LRPPRC: variants seen among roughly 807,000 people sequenced by gnomAD.
The protein encoded by LRPPRC is leucine rich pentatricopeptide repeat containing, also known as leucine-rich PPR motif-containing protein, mitochondrial.
In LRPPRC, 120 loss-of-function variants were observed where a neutral mutation model predicts 180.3. The ratio of observed to expected loss-of-function variants is 0.67; its 90% CI spans 0.57 to 0.77. The LOEUF (loss-of-function observed/expected upper bound fraction) is 0.77. LRPPRC is among the 30% of genes least tolerant of loss of function. The pLI is 0.00. For missense variants in LRPPRC, 2,012 were observed against 1,657.2 expected, an observed-to-expected ratio of 1.21 and a Z score of -3.72; for synonymous variants, 723 against 600.0, an observed-to-expected ratio of 1.21 and a Z score of -3.00.
Position 43,995,866 on chromosome 2 carries a change from G to A in LRPPRC, c.82C>T (p.Pro28Ser), listed in dbSNP as rs1357753031. 8 of 1,493,842 alleles carry A rather than the reference G, an allele frequency of 5.4e-6. No homozygotes were observed. The East Asian group carries it at 1.7e-4, about 31-fold the overall frequency. The allele number at this position is 1,493,842 out of a possible 1,614,324, so 92.5% of individuals were successfully genotyped here. ...PRLPLSLRLL[P>S]GGPGRLHAAS... ...GCATGCAGCCGGCCCGGGCCGCCAG[G>A]GAGGAGGCGCAGGGAGAGCGGGAGG... Residue 28 changes from proline to serine, a missense_variant, in exon 1 of 38, where the codon CCT becomes TCT. Pro to Ser is a moderately conservative substitution (Grantham distance 74). Transcript: ENST00000260665.
At chr2:43,964,946 T>C (rs1451130679) in intron 11 of LRPPRC, among the ~76,000 whole-genome samples, 1 of 152,190 alleles carries the variant, frequency 6.6e-6, no homozygotes, top group African/African-American at 2.4e-5. Flanking sequence ...TTCACGAGGC[T>C]GATGCAGGAG....
At chr2:43,893,140 G>T (rs183714852) in intron 36 of LRPPRC, among the ~76,000 whole-genome samples, 8 of 152,300 alleles carry the variant, frequency 5.3e-5, no homozygotes, top group East Asian at 3.9e-4. Context: ...GACTTAACAT[G>T]AGGAGAAGCT....
chr2:43,964,187 AAATT>A (rs777068745), intron 11 of LRPPRC, among the ~76,000 whole-genome samples: 1 of 152,232 alleles, frequency 6.6e-6, no homozygotes, highest in Non-Finnish European at 1.5e-5. Flanking sequence ...TAAGAAGGAA[AAATT>A]AATAGAGAAC....
chr2:43,914,118 G>T (rs1183947445), intron 29 of LRPPRC, among the ~76,000 whole-genome samples: 1 of 152,156 alleles, frequency 6.6e-6, no homozygotes, highest in African/African-American at 2.4e-5. Flanking sequence ...AAGATGTAAT[G>T]CAATTATTGT....
chr2:43,945,928 A>T (rs1672664255), intron 21 of LRPPRC, among the ~76,000 whole-genome samples, 185 bp downstream of exon 21: 1 of 146,796 alleles, frequency 6.8e-6, no homozygotes, highest in Non-Finnish European at 1.5e-5. Context: ...AAACAAAGAC[A>T]CCTTGCTGAA....
At chr2:43,960,699 T>A in intron 12 of LRPPRC, 65 bp from the exon 13 acceptor site, 1 of 806,666 alleles carries the variant, frequency 1.2e-6, no homozygotes, top group South Asian at 1.3e-5. Flanking sequence ...AAGCCAAAGA[T>A]CCTGTTTTCC....
chr2:43,970,842 A>G (rs1320873618), intron 11 of LRPPRC, among the ~76,000 whole-genome samples: 2 of 152,208 alleles, frequency 1.3e-5, no homozygotes, highest in African/African-American at 4.8e-5. Flanking sequence ...GCTCACGCCT[A>G]TAATCCCAGC....
At chr2:43,996,087 G>A (rs569445433), upstream of LRPPRC, 105 of 766,454 alleles carry the variant, frequency 1.4e-4, no homozygotes, top group Admixed American at 1.9e-3. Flanking sequence ...TTTTAGGTTG[G>A]AAGATGGAAA....
rs1266095281 is a variant in LRPPRC, at chr2:43,995,783, G to C, written c.149+16C>G. On this transcript the variant is annotated intron_variant, in intron 1 of 37. Coordinates refer to ENST00000260665, the MANE Select transcript of LRPPRC (RefSeq NM_133259.4). The stretch of plus-strand genomic sequence containing the variant: ...TGGCGCCGCAGCTTGCCTGGAGAAA[G>C]GGCCTGGGCACTCACCCGGCCACGG... 7.4e-7 allele frequency: 1 copy of C among 1,355,152 alleles called. No homozygotes were observed. Among genetic ancestry groups the C allele is most frequent in the Admixed American group, 4.1e-5 (1 of 24,684 alleles). The allele number at this position is 1,355,152 out of a possible 1,614,324, so 83.9% of individuals were successfully genotyped here.
At chr2:43,896,733 A>T (rs1209344223) in intron 34 of LRPPRC, 25 bp from the exon 35 acceptor site, 23 of 1,388,806 alleles carry the variant, frequency 1.7e-5, no homozygotes, top group Non-Finnish European at 2.3e-5. Context: ...ATTATTCAGT[A>T]AGTGAAGGTT....
chr2:43,925,159 T>A lies in LRPPRC; in HGVS notation c.2806-2A>T. 1 of 1,497,996 alleles carries A rather than the reference T, an allele frequency of 6.7e-7. No individual in the cohort carries two copies. Among genetic ancestry groups the A allele is most frequent in the Non-Finnish European group, 9.3e-7 (1 of 1,074,386 alleles). The allele number at this position is 1,497,996 out of a possible 1,614,324, so 92.8% of individuals were successfully genotyped here. A position where few individuals can be genotyped will look rare whatever the true frequency, so the allele number is the denominator to read the frequency against. ...CACTAATTTTTCCAGAGTTTCAACCTTAAAAGTAAGATTAAGAGATAGATC... is the reference window on the plus strand; with the variant it reads ...CACTAATTTTTCCAGAGTTTCAACCATAAAAGTAAGATTAAGAGATAGATC... On this transcript the variant is annotated splice_acceptor_variant, in intron 26 of 37. Coordinates refer to ENST00000260665, the MANE Select transcript of LRPPRC (RefSeq NM_133259.4). LOFTEE classifies it high-confidence loss of function.
At position 43,918,829 on chromosome 2, in the gene LRPPRC, A is replaced by G. The variant is rs561785209; in HGVS notation, c.2897-431T>C. 8.2e-5 allele frequency among the ~76,000 whole-genome samples: 12 copies of G among 147,172 alleles called. No individual in the cohort carries two copies. The South Asian group carries it at 2.5e-3, about 31-fold the overall frequency. On this transcript the variant is annotated intron_variant, in intron 27 of 37. Coordinates refer to ENST00000260665, the MANE Select transcript of LRPPRC (RefSeq NM_133259.4). ...TATATAGATATATATATATCTATAT[A>G]TAGATATCTCTATATATAGAGATAT... is the stretch of plus-strand genomic sequence containing the variant.
At chr2:43,965,076 A>G (rs552441113) in intron 11 of LRPPRC, among the ~76,000 whole-genome samples, 9 of 152,292 alleles carry the variant, frequency 5.9e-5, no homozygotes, top group Middle Eastern at 6.8e-3. Context: ...ATCTTGGCTC[A>G]CTACAACCTC....
At chr2:43,959,124 T>C in intron 13 of LRPPRC, 1 of 687,312 alleles carries the variant, frequency 1.5e-6, no homozygotes, top group South Asian at 1.6e-5. Context: ...GAATGGATGA[T>C]ATGATAAAAG....
intron 27 of LRPPRC, among the ~76,000 whole-genome samples, chr2:43,918,779 ATATATATATATAGATATAT>A: frequency 3.6e-5 from 1 of 27,982 alleles, no homozygotes; most frequent in South Asian, 1.2e-3. Context: ...TCCTGGAAAT[ATATATATATATAGATATAT>A]ATATATATAT....
chr2:43,893,440 C>T (rs1670568163), intron 36 of LRPPRC, among the ~76,000 whole-genome samples: 1 of 152,186 alleles, frequency 6.6e-6, no homozygotes, highest in Non-Finnish European at 1.5e-5. Context: ...CAACCTTTAG[C>T]AATCATCACC....
At chr2:43,913,598 T>C (rs1389533967) in intron 29 of LRPPRC, among the ~76,000 whole-genome samples, 1 of 152,198 alleles carries the variant, frequency 6.6e-6, no homozygotes, top group Non-Finnish European at 1.5e-5. Context: ...TATTTATCCC[T>C]TTAAGCTAAA....
intron 5 of LRPPRC, among the ~76,000 whole-genome samples, 171 bp from the exon 6 acceptor site, chr2:43,976,400 A>G (rs1233371658): frequency 6.6e-6 from 1 of 152,022 alleles, no homozygotes; most frequent in Non-Finnish European, 1.5e-5. Context: ...TTCCCACAAA[A>G]CCCCACTCTC....
chr2:43,892,647 T>G (rs557847281), intron 36 of LRPPRC: 3 of 152,196 alleles, frequency 2.0e-5, no homozygotes, highest in African/African-American at 7.2e-5. Context: ...CTGCAGCCCA[T>G]AGATCAAGGA....
Sources: allele counts gnomAD v4.1 joint callset (sites outside exome capture counted in the v4.1 genomes callset), GRCh38; gene constraint gnomAD v4.1.1; transcripts MANE v1.5; gene names NCBI Gene and HGNC (gene_info 2026-07-23, HGNC 2026-07-21).